The following ARHGAP24 variants were observed in gnomAD, a reference collection of about 807,000 sequenced individuals.
The protein encoded by ARHGAP24 is rho GTPase-activating protein 24.
ARHGAP24 carries 50 observed loss-of-function variants against 76.4 expected under a neutral mutation model. The observed-to-expected ratio is 0.65, with a 90% confidence interval of 0.52 to 0.83. The LOEUF (loss-of-function observed/expected upper bound fraction) is 0.83, where lower values mean the gene tolerates loss of function less well. Among genes scored for constraint, ARHGAP24 ranks in the 40% least tolerant of loss-of-function variants. The probability of loss-of-function intolerance (pLI) is 0.00; values close to 1 mark genes in which losing one functional copy is unlikely to be tolerated. For synonymous variants in ARHGAP24, 345 were observed against 323.3 expected (o/e 1.07, Z -0.72); for missense variants, 930 against 914.2 (o/e 1.02, Z -0.22).
intron 5 of ARHGAP24, among the ~76,000 whole-genome samples, chr4:85,952,598 A>G (rs1229861323): frequency 6.6e-6 from 1 of 152,210 alleles, no homozygotes; most frequent in Non-Finnish European, 1.5e-5. Flanking sequence ...TGCATGGATG[A>G]GCCTTTATTA....
intron 2 of ARHGAP24, among the ~76,000 whole-genome samples, chr4:85,637,873 A>G (rs1162756694): frequency 2.0e-5 from 3 of 152,060 alleles, no homozygotes; most frequent in African/African-American, 7.2e-5. Flanking sequence ...TTTAAAAGGA[A>G]CATGTATTAA....
chr4:85,613,640 A>T (rs10017042), intron 2 of ARHGAP24, among the ~76,000 whole-genome samples: 1 of 151,960 alleles, frequency 6.6e-6, no homozygotes, highest in Non-Finnish European at 1.5e-5. Flanking sequence ...TTTGGGGAAT[A>T]TTACCAAACA....
At chr4:85,884,346 C>T (rs903480450) in intron 3 of ARHGAP24, among the ~76,000 whole-genome samples, 2 of 152,098 alleles carry the variant, frequency 1.3e-5, no homozygotes, top group Admixed American at 1.3e-4. Flanking sequence ...ACTTTAAAGA[C>T]CAATGGGACA....
chr4:85,662,106 G>T (rs964885674), intron 2 of ARHGAP24, among the ~76,000 whole-genome samples: 14 of 152,118 alleles, frequency 9.2e-5, no homozygotes, highest in East Asian at 1.9e-4. Context: ...ACTTCCACAA[G>T]GGTTGAACTA....
chr4:85,529,513 A>G (rs74569065), intron 1 of ARHGAP24, among the ~76,000 whole-genome samples: 2 of 152,144 alleles, frequency 1.3e-5, no homozygotes, highest in East Asian at 3.9e-4. Flanking sequence ...CCATTTAGAC[A>G]TTCTGAATTA....
chr4:85,491,567 G>C (rs915146400), intron 1 of ARHGAP24, among the ~76,000 whole-genome samples: 1 of 152,124 alleles, frequency 6.6e-6, no homozygotes, highest in Admixed American at 6.5e-5. Flanking sequence ...GTGGAAACCA[G>C]GCTGGAGGGA....
intron 3 of ARHGAP24, among the ~76,000 whole-genome samples, chr4:85,862,254 A>G (rs1047649460): frequency 9.2e-5 from 14 of 152,084 alleles, no homozygotes; most frequent in African/African-American, 3.4e-4. Flanking sequence ...ATTCATAGAG[A>G]CTCCAGCACA....
intron 2 of ARHGAP24, among the ~76,000 whole-genome samples, chr4:85,669,689 A>ATATATATG (rs1722759630): frequency 1.2e-5 from 1 of 84,176 alleles, no homozygotes; most frequent in Admixed American, 1.6e-4. Context: ...ATATATATAT[A>ATATATATG]TATGTGATAT....
intron 1 of ARHGAP24, among the ~76,000 whole-genome samples, chr4:85,496,999 G>A (rs987027299): frequency 2.6e-5 from 4 of 152,214 alleles, no homozygotes; most frequent in Non-Finnish European, 5.9e-5. Context: ...ATGCAAAGCC[G>A]TGTTATGAGA....
intron 3 of ARHGAP24, among the ~76,000 whole-genome samples, chr4:85,750,538 C>T (rs1363843740): frequency 1.6e-5 from 2 of 122,178 alleles, no homozygotes; most frequent in East Asian, 5.2e-4. Flanking sequence ...CTCTGTTACC[C>T]AGGCTGGAGT....
chr4:85,743,034 A>T (rs780096492), intron 3 of ARHGAP24, among the ~76,000 whole-genome samples: 4 of 152,180 alleles, frequency 2.6e-5, no homozygotes, highest in Non-Finnish European at 5.9e-5. Flanking sequence ...TTAGTGCATT[A>T]TCAGGGACTC....
chr4:85,722,470 T>C (rs2110044141), intron 3 of ARHGAP24: 1 of 166,204 alleles, frequency 6.0e-6, no homozygotes, highest in South Asian at 1.6e-4. Context: ...ATTACAGTTC[T>C]GTACCTCAGC....
At chr4:85,962,624 C>T (rs1199008354) in intron 5 of ARHGAP24, among the ~76,000 whole-genome samples, 1 of 151,904 alleles carries the variant, frequency 6.6e-6, no homozygotes, top group East Asian at 1.9e-4. Context: ...GCAATATCTA[C>T]CAATCTTTTA....
At chr4:85,956,500 T>C (rs1286099026) in intron 5 of ARHGAP24, among the ~76,000 whole-genome samples, 1 of 152,180 alleles carries the variant, frequency 6.6e-6, no homozygotes, top group Non-Finnish European at 1.5e-5. Context: ...TGGCAAGCCT[T>C]GTGCTCTCTG....
intron 2 of ARHGAP24, among the ~76,000 whole-genome samples, chr4:85,657,847 C>T (rs180738249): frequency 1.2e-4 from 18 of 152,296 alleles, no homozygotes; most frequent in African/African-American, 3.4e-4. Context: ...CTCTGCCTCC[C>T]GGGTTCAAGT....
At chr4:85,924,822 A>G (rs1735927466) in intron 4 of ARHGAP24, 1 of 152,186 alleles carries the variant, frequency 6.6e-6, no homozygotes, top group Admixed American at 6.6e-5. Flanking sequence ...TAATATATCT[A>G]TGTTTTAATA....
chr4:85,784,568 T>C (rs1299496474), intron 3 of ARHGAP24, among the ~76,000 whole-genome samples: 1 of 151,952 alleles, frequency 6.6e-6, no homozygotes, highest in Non-Finnish European at 1.5e-5. Context: ...CTGAGCTGGA[T>C]TTCAGCCCCT....
At position 85,995,515 on chromosome 4, in the gene ARHGAP24, A is replaced by G. The variant is rs1740610260; in HGVS notation, c.1861A>G (p.Ser621Gly). 6.2e-7 allele frequency: 1 copy of G among 1,604,646 alleles called. No individual in the cohort carries two copies. The highest frequency in any genetic ancestry group is 2.2e-5 in the East Asian group (1 of 44,786). Residue 621 changes from serine (S) to glycine (G), a missense_variant, in exon 9 of 10, where the codon AGT (serine) becomes GGT (glycine). Physicochemically the swap from Ser to Gly is moderately conservative, Grantham distance 56 (BLOSUM62 0). Coordinates refer to ENST00000395184, the MANE Select transcript of ARHGAP24 (RefSeq NM_001025616.3). ...CCACAGGAGTGTGGGAGGTCGAAGT[A>G]GTCGTGCCACCAGTAGCAGTGACAA... ...SDHRSVGGRS[S>G]RATSSSDNSE...
At chr4:85,607,759 A>ATTTTG (rs1560550502) in intron 2 of ARHGAP24, among the ~76,000 whole-genome samples, 2 of 80,038 alleles carry the variant, frequency 2.5e-5, no homozygotes, top group East Asian at 7.1e-3. Flanking sequence ...AAGTATCAAA[A>ATTTTG]ATACTTCCTC....
Sources: allele counts gnomAD v4.1 joint callset (sites outside exome capture counted in the v4.1 genomes callset), GRCh38; gene constraint gnomAD v4.1.1; transcripts MANE v1.5; gene names NCBI Gene and HGNC (gene_info 2026-07-23, HGNC 2026-07-21).